The following SMCHD1 variants were observed in gnomAD, a reference collection of about 807,000 sequenced individuals.
SMCHD1 encodes the protein structural maintenance of chromosomes flexible hinge domain-containing protein 1.
Under a neutral mutation model 254.7 loss-of-function variants are expected in SMCHD1, and 78 were observed. The ratio of observed to expected loss-of-function variants is 0.31; its 90% confidence interval spans 0.26 to 0.37. The LOEUF (loss-of-function observed/expected upper bound fraction) is 0.37, where lower values mean the gene tolerates loss of function less well. SMCHD1 is among the 10% of genes least tolerant of loss of function. The pLI, the probability that SMCHD1 is intolerant of heterozygous loss-of-function variation, is 1.00. For synonymous variants in SMCHD1, 766 were observed against 794.9 expected, an observed-to-expected ratio of 0.96 and a Z score of 0.61; for missense variants, 1,840 against 2,408.1, an observed-to-expected ratio of 0.76 and a Z score of 4.94.
rs190594930 is a variant in SMCHD1, at chr18:2,715,069, A to G, written c.2261-3089A>G. On this transcript the variant is annotated intron_variant, in intron 17 of 47. Transcript: ENST00000320876. ...ATTGACTTTAGACAGTCTAATTTCT[A>G]TATATTGTAGTGAGGCCTTTCTTGC... is the stretch of plus-strand genomic sequence containing the variant. 5.2e-4 allele frequency among the ~76,000 whole-genome samples: 79 copies of G among 152,232 alleles called. 1 individual carries two copies. The Middle Eastern group carries it at 0.014, about 26-fold the overall frequency.
intron 13 of SMCHD1, among the ~76,000 whole-genome samples, chr18:2,704,693 G>A (rs1264448717): frequency 6.6e-6 from 1 of 150,684 alleles, no homozygotes; most frequent in Non-Finnish European, 1.5e-5. Flanking sequence ...AGTAACATTT[G>A]TGTGGACCTT....
At chr18:2,694,399 C>T (rs2074245352) in intron 7 of SMCHD1, 128 bp from the exon 8 acceptor site, 1 of 794,178 alleles carries the variant, frequency 1.3e-6, no homozygotes, top group Non-Finnish European at 1.9e-6. Flanking sequence ...GGGCCAGTTT[C>T]CTCCAAAGCT....
At chr18:2,733,731 G>T (rs184820389) in intron 25 of SMCHD1, among the ~76,000 whole-genome samples, 1 of 152,272 alleles carries the variant, frequency 6.6e-6, no homozygotes, top group Admixed American at 6.5e-5. Context: ...CAAAGTAAAC[G>T]TAATTGTACT....
chr18:2,697,696 T>C, intron 9 of SMCHD1, 135 bp from the exon 10 acceptor site: 1 of 629,170 alleles, frequency 1.6e-6, no homozygotes, highest in East Asian at 2.7e-5. Flanking sequence ...TATGTAAATA[T>C]ATGTATTTCA....
At chr18:2,676,402 T>G (rs2073749369) in intron 5 of SMCHD1, among the ~76,000 whole-genome samples, 1 of 152,164 alleles carries the variant, frequency 6.6e-6, no homozygotes. Flanking sequence ...AGATTATATT[T>G]GAGTTGAGGC....
rs1271035654 is a variant in SMCHD1 at position 2,784,851 on chromosome 18, C to T, written c.5719+230C>T. On this transcript the variant is annotated intron_variant, in intron 45 of 47. Coordinates refer to ENST00000320876, the MANE Select transcript of SMCHD1 (RefSeq NM_015295.3). Reference sequence around the variant, plus strand: ...TTTTCATTCTTATATGTAGTGCATGCCTGTGTTCCCAGCTACTCAGGAGGC... The same window carrying T: ...TTTTCATTCTTATATGTAGTGCATGTCTGTGTTCCCAGCTACTCAGGAGGC... 1.1e-5 allele frequency: 6 copies of T among 538,000 alleles called. 1 individual carries two copies. The highest frequency in any genetic ancestry group is 3.6e-4 in the Middle Eastern group (1 of 2,808). 33.3% of individuals were successfully genotyped at this position (538,000 alleles called of 1,614,324 possible).
chr18:2,775,930 A>G lies in SMCHD1; in HGVS notation c.5366+6A>G, dbSNP rs771277442. The G allele has an allele frequency of 1.3e-6, 2 of 1,558,316 alleles. No individual in the cohort carries two copies. Among genetic ancestry groups the G allele is most frequent in the East Asian group, 4.7e-5 (2 of 42,272 alleles). Reference sequence around the variant, plus strand: ...ACTCTTCCAGATTGGAAAAGGTTAGAAAAAAGTGAAAGTAATTTTTTTTCT... The same window carrying G: ...ACTCTTCCAGATTGGAAAAGGTTAGGAAAAAGTGAAAGTAATTTTTTTTCT... On this transcript the variant is annotated splice_donor_region_variant and intron_variant, in intron 42 of 47. Coordinates refer to ENST00000320876, the MANE Select transcript of SMCHD1 (RefSeq NM_015295.3).
At chr18:2,756,033 A>C (rs977194414) in intron 34 of SMCHD1, among the ~76,000 whole-genome samples, 9 of 152,102 alleles carry the variant, frequency 5.9e-5, no homozygotes, top group Non-Finnish European at 1.2e-4. Flanking sequence ...CTTTTATCAA[A>C]CTGTTCATTT....
chr18:2,756,371 C>T (rs1294843040), intron 34 of SMCHD1, among the ~76,000 whole-genome samples: 1 of 152,084 alleles, frequency 6.6e-6, no homozygotes, highest in African/African-American at 2.4e-5. Flanking sequence ...GTAGCCCTCA[C>T]AAAAGTAGGA....
At chr18:2,765,834 A>C (rs879028372) in intron 37 of SMCHD1, among the ~76,000 whole-genome samples, 1 of 152,194 alleles carries the variant, frequency 6.6e-6, no homozygotes, top group Non-Finnish European at 1.5e-5. Context: ...CTTGTGCTCT[A>C]ACAAAAATTA....
chr18:2,778,308 A>G, intron 44 of SMCHD1, 69 bp downstream of exon 44: 1 of 1,099,338 alleles, frequency 9.1e-7, no homozygotes, highest in Non-Finnish European at 1.3e-6. Context: ...ATTTGATGAT[A>G]CATATACAAA....
At chr18:2,720,594 G>A (rs900125595) in intron 19 of SMCHD1, among the ~76,000 whole-genome samples, 3 of 152,108 alleles carry the variant, frequency 2.0e-5, no homozygotes, top group Non-Finnish European at 4.4e-5. Context: ...CAGATTCCCC[G>A]GAGTGGAGCC....
At chr18:2,735,664 C>T (rs572644371) in intron 25 of SMCHD1, among the ~76,000 whole-genome samples, 26 of 152,242 alleles carry the variant, frequency 1.7e-4, no homozygotes, top group African/African-American at 6.0e-4. Flanking sequence ...AACACAGTCC[C>T]ATTTACGGTA....
chr18:2,767,584 CTTT>C (rs397858216), intron 37 of SMCHD1, among the ~76,000 whole-genome samples: 980 of 89,190 alleles, frequency 0.011, 4 homozygotes, highest in South Asian at 0.02. Context: ...AACCTATTTC[CTTT>C]TTTTTTTTTT....
rs1204884465 is a variant in SMCHD1 at position 2,763,739 on chromosome 18, A to G, written c.4669A>G (p.Lys1557Glu). Residue 1557 changes from lysine to glutamate, a missense_variant, in exon 37 of 48, where the codon AAA (lysine) becomes GAA (glutamate). By Grantham distance (56) the Lys-to-Glu change is moderately conservative. Around this residue, in one of 9 missense-constraint regions of SMCHD1, gnomAD observed 881 missense variants for 1,009.5 expected, o/e 0.87. Transcript: ENST00000320876. ...TACTGATACCCCACTTTTTATTGGGAAAGTTAGAACACTTGAATTCCCCTT... is the reference window on the plus strand; with the variant it reads ...TACTGATACCCCACTTTTTATTGGGGAAGTTAGAACACTTGAATTCCCCTT... ...EDTDTPLFIG[K>E]VRTLEFPFVN... 6 of 1,610,906 alleles carry G rather than the reference A, an allele frequency of 3.7e-6. No individual in the cohort carries two copies. Among genetic ancestry groups the G allele is most frequent in the Non-Finnish European group, 5.1e-6 (6 of 1,178,520 alleles).
At position 2,664,452 on chromosome 18, in the gene SMCHD1, T is replaced by G. The variant is rs1188925157; in HGVS notation, c.187-1705T>G. 4.6e-5 allele frequency among the ~76,000 whole-genome samples: 7 copies of G among 152,212 alleles called. No individual in the cohort carries two copies. The East Asian group carries it at 1.3e-3, about 29-fold the overall frequency. On this transcript the variant is annotated intron_variant, in intron 1 of 47. Transcript: ENST00000320876. ...TTTAGTTTTCCTGCAGTTGACCTCT[T>G]GAAGAAATCAACTAGGTCTTTAATA...
At chr18:2,657,889 C>T (rs2073118475) in intron 1 of SMCHD1, among the ~76,000 whole-genome samples, 1 of 151,682 alleles carries the variant, frequency 6.6e-6, no homozygotes, top group Admixed American at 6.6e-5. Context: ...CTCAGGTGAT[C>T]CTCCCACCTC....
intron 1 of SMCHD1, among the ~76,000 whole-genome samples, chr18:2,659,763 GAAAAAAAAA>G (rs58068466): frequency 8.7e-6 from 1 of 115,488 alleles, no homozygotes; most frequent in Non-Finnish European, 1.9e-5. Flanking sequence ...TTGAGATTTT[GAAAAAAAAA>G]AAAAAAAAAA....
chr18:2,775,466 G>A (rs574688859), intron 41 of SMCHD1, among the ~76,000 whole-genome samples: 8 of 151,830 alleles, frequency 5.3e-5, no homozygotes, highest in Admixed American at 6.6e-5. Flanking sequence ...ATCCCTGAAC[G>A]GTCTGAGAAA....
Sources: allele counts gnomAD v4.1 joint callset (sites outside exome capture counted in the v4.1 genomes callset), GRCh38; gene constraint gnomAD v4.1.1; regional missense constraint gnomAD v4.1.1; transcripts MANE v1.5; gene names NCBI Gene and HGNC (gene_info 2026-07-23, HGNC 2026-07-21).